The following MAD1L1 variants were observed in gnomAD, a reference collection of about 807,000 sequenced individuals.
MAD1L1 encodes mitotic spindle assembly checkpoint protein MAD1.
In MAD1L1, 95 loss-of-function variants were observed where a neutral mutation model predicts 96.9. The observed-to-expected ratio is 0.98, with a 90% CI of 0.83 to 1.16. The LOEUF (loss-of-function observed/expected upper bound fraction) is 1.16, where lower values mean the gene tolerates loss of function less well. MAD1L1 is among the 50% of genes most tolerant of loss of function. The probability of loss-of-function intolerance (pLI) is 0.00; values close to 1 mark genes in which losing one functional copy is unlikely to be tolerated. For missense variants in MAD1L1, 1,007 were observed against 954.4 expected, an observed-to-expected ratio of 1.06 and a Z score of -0.73; for synonymous variants, 473 against 396.6, an observed-to-expected ratio of 1.19 and a Z score of -2.29.
chr7:1,854,991 G>A (rs756631710), intron 18 of MAD1L1, among the ~76,000 whole-genome samples: 12 of 152,174 alleles, frequency 7.9e-5, no homozygotes, highest in Non-Finnish European at 1.0e-4. Context: ...CGCGCCCACC[G>A]CTGGCAGAGC....
chr7:2,057,055 C>T (rs1051543667), intron 12 of MAD1L1, among the ~76,000 whole-genome samples: 1 of 152,252 alleles, frequency 6.6e-6, no homozygotes, highest in Non-Finnish European at 1.5e-5. Context: ...CCCTCCCTGA[C>T]ACACGAGCCC....
At position 1,815,811 on chromosome 7, in the gene MAD1L1, TTA is replaced by T; in HGVS notation, c.*257_*258del. The stretch of plus-strand genomic sequence containing the variant: ...GTGGGAGTGTCTAGGGGAGAAGATT[TTA>T]TTTCACAAGGTGAGGAACCCAGGCT... On this transcript the variant is annotated 3_prime_UTR_variant, in exon 19 of 19. Coordinates refer to ENST00000265854, the MANE Select transcript of MAD1L1 (RefSeq NM_001013836.2). The T allele has an allele frequency of 2.0e-6, 1 of 496,736 alleles. No homozygotes were observed. Among genetic ancestry groups the T allele is most frequent in the South Asian group, 2.7e-5 (1 of 37,218 alleles). The allele number at this position is 496,736 out of a possible 1,614,324, so 30.8% of individuals were successfully genotyped here. A position where few individuals can be genotyped will look rare whatever the true frequency, so the allele number is the denominator to read the frequency against.
intron 10 of MAD1L1, among the ~76,000 whole-genome samples, chr7:2,156,110 G>A (rs62443023): frequency 2.2e-4 from 33 of 152,216 alleles, no homozygotes; most frequent in African/African-American, 6.7e-4. Flanking sequence ...TTCACGGCGC[G>A]TGTGGCGAGG....
At chr7:2,149,519 G>C (rs1481230143) in intron 10 of MAD1L1, among the ~76,000 whole-genome samples, 1 of 152,188 alleles carries the variant, frequency 6.6e-6, no homozygotes, top group East Asian at 1.9e-4. Flanking sequence ...TCACTCTTCA[G>C]AGGAAACGAA....
intron 15 of MAD1L1, among the ~76,000 whole-genome samples, chr7:1,977,703 C>T (rs973080074): frequency 6.6e-6 from 1 of 152,260 alleles, no homozygotes; most frequent in African/African-American, 2.4e-5. Context: ...CCAGCCCACA[C>T]AAATCTGACA....
intron 18 of MAD1L1, among the ~76,000 whole-genome samples, chr7:1,820,280 C>T (rs1219566492): frequency 6.6e-6 from 1 of 152,110 alleles, no homozygotes; most frequent in Non-Finnish European, 1.5e-5. Context: ...GCACCCAAGG[C>T]AGTGCTTAGA....
chr7:1,965,774 C>T (rs1041336168), intron 15 of MAD1L1, among the ~76,000 whole-genome samples: 2 of 152,274 alleles, frequency 1.3e-5, no homozygotes, highest in African/African-American at 2.4e-5. Context: ...GCTGCGTTTT[C>T]CTCCCTGTCC....
chr7:1,912,361 C>T (rs1440440916), intron 17 of MAD1L1, among the ~76,000 whole-genome samples: 3 of 152,236 alleles, frequency 2.0e-5, no homozygotes, highest in Non-Finnish European at 4.4e-5. Context: ...TAAAAGGAAG[C>T]AGTTGGGGTC....
chr7:2,121,038 G>A (rs1178733354), intron 11 of MAD1L1, among the ~76,000 whole-genome samples: 4 of 152,204 alleles, frequency 2.6e-5, no homozygotes, highest in Non-Finnish European at 5.9e-5. Context: ...GGAGTCGCAC[G>A]GTGACGGCAG....
At chr7:2,009,731 G>A (rs1214979767) in intron 13 of MAD1L1, among the ~76,000 whole-genome samples, 1 of 152,244 alleles carries the variant, frequency 6.6e-6, no homozygotes, top group Non-Finnish European at 1.5e-5. Flanking sequence ...TGGACGCCCA[G>A]GCCCTGGGGG....
intron 18 of MAD1L1, chr7:1,874,407 T>C: frequency 2.4e-6 from 1 of 411,258 alleles, no homozygotes; most frequent in South Asian, 1.7e-5. Flanking sequence ...GGTAAGACGG[T>C]GGCCAGGCCG....
At chr7:2,061,677 C>T (rs1584227381) in intron 12 of MAD1L1, among the ~76,000 whole-genome samples, 1 of 152,244 alleles carries the variant, frequency 6.6e-6, no homozygotes, top group East Asian at 1.9e-4. Flanking sequence ...CGCAAGGGCA[C>T]CCAGGGGATC....
intron 16 of MAD1L1, among the ~76,000 whole-genome samples, chr7:1,948,866 CA>C (rs1779353810): frequency 6.6e-6 from 1 of 152,170 alleles, no homozygotes; most frequent in African/African-American, 2.4e-5. Context: ...TGGCACCCAG[CA>C]AGGCTGACAT....
chr7:2,144,442 C>A (rs1181758806), intron 11 of MAD1L1, among the ~76,000 whole-genome samples: 1 of 152,188 alleles, frequency 6.6e-6, no homozygotes, highest in Non-Finnish European at 1.5e-5. Context: ...TCCAGCACAG[C>A]AGAGAAACCG....
intron 10 of MAD1L1, among the ~76,000 whole-genome samples, chr7:2,185,403 T>C (rs768704462): frequency 1.3e-5 from 2 of 152,256 alleles, no homozygotes; most frequent in Admixed American, 1.3e-4. Context: ...GGAAACTTTC[T>C]GCAGCCTGAC....
chr7:1,897,364 C>G (rs1045858548), intron 18 of MAD1L1, among the ~76,000 whole-genome samples: 1 of 152,238 alleles, frequency 6.6e-6, no homozygotes, highest in African/African-American at 2.4e-5. Context: ...TGCCTGTCCT[C>G]ATCTCCCACA....
chr7:2,126,807 G>A (rs1051048544), intron 11 of MAD1L1, among the ~76,000 whole-genome samples: 1 of 152,212 alleles, frequency 6.6e-6, no homozygotes, highest in African/African-American at 2.4e-5. Flanking sequence ...CGCCAGGCAG[G>A]TGCTCACTGA....
intron 14 of MAD1L1, among the ~76,000 whole-genome samples, chr7:1,981,362 G>C (rs1349671576): frequency 6.6e-6 from 1 of 152,178 alleles, no homozygotes; most frequent in Non-Finnish European, 1.5e-5. Context: ...CGGACTGCGG[G>C]CTCAAGGAAG....
At position 2,213,698 on chromosome 7, in the gene MAD1L1, C is replaced by T. The variant is rs149243187; in HGVS notation, c.925-425G>A. 7.4e-4 allele frequency among the ~76,000 whole-genome samples: 112 copies of T among 152,306 alleles called. 1 individual carries two copies. Among genetic ancestry groups the T allele is most frequent in the Admixed American group, 2.6e-3 (40 of 15,304 alleles). On this transcript the variant is annotated intron_variant, in intron 9 of 18. Coordinates refer to ENST00000265854, the MANE Select transcript of MAD1L1 (RefSeq NM_001013836.2). ...AAGCCCTGGAGCAGACAGACTCAGTCCTGGAGCCAAACTTCCTGCCATCAC... is the reference window on the plus strand; with the variant it reads ...AAGCCCTGGAGCAGACAGACTCAGTTCTGGAGCCAAACTTCCTGCCATCAC...
Sources: gnomAD v4.1 joint callset for allele counts (sites outside exome capture counted in the v4.1 genomes callset) on GRCh38, gnomAD v4.1.1 for gene constraint, MANE v1.5 for transcripts, NCBI Gene and HGNC (gene_info 2026-07-23, HGNC 2026-07-21) for gene names.